Variants in XYLT1 observed in about 807,000 individuals in gnomAD.
XYLT1 encodes beta-D-xylosyltransferase 1.
XYLT1 carries 36 observed loss-of-function variants against 91.3 expected under a neutral mutation model. That is an observed-to-expected ratio of 0.39 (90% CI 0.30 to 0.52). The LOEUF (loss-of-function observed/expected upper bound fraction) is 0.52. Among genes scored for constraint, XYLT1 ranks in the 20% least tolerant of loss-of-function variants. XYLT1 has a pLI of 0.68. For missense variants in XYLT1, 1,242 were observed against 1,284.5 expected, an observed-to-expected ratio of 0.97 and a Z score of 0.51; for synonymous variants, 588 against 532.0, an observed-to-expected ratio of 1.11 and a Z score of -1.45.
At chr16:17,425,240 C>T (rs2036302316) in intron 1 of XYLT1, among the ~76,000 whole-genome samples, 1 of 152,184 alleles carries the variant, frequency 6.6e-6, no homozygotes, top group Non-Finnish European at 1.5e-5. Context: ...AACTTCCTTC[C>T]GTAGCCAGAT....
At chr16:17,197,671 C>T (rs2032457179) in intron 5 of XYLT1, among the ~76,000 whole-genome samples, 1 of 152,138 alleles carries the variant, frequency 6.6e-6, no homozygotes, top group Non-Finnish European at 1.5e-5. Flanking sequence ...GGCTGAGTCT[C>T]CCATGCTGGA....
At chr16:17,373,072 C>A (rs973321684) in intron 1 of XYLT1, among the ~76,000 whole-genome samples, 1 of 152,142 alleles carries the variant, frequency 6.6e-6, no homozygotes, top group Non-Finnish European at 1.5e-5. Flanking sequence ...GCAATACATT[C>A]TCCAGTTACT....
At chr16:17,117,240 A>G (rs1325775824) in intron 11 of XYLT1, among the ~76,000 whole-genome samples, 1 of 152,212 alleles carries the variant, frequency 6.6e-6, no homozygotes, top group Non-Finnish European at 1.5e-5. Context: ...ATCTTCTACT[A>G]TTATGTGGTT....
intron 11 of XYLT1, among the ~76,000 whole-genome samples, chr16:17,112,569 GAC>G (rs1223411788): frequency 6.6e-6 from 1 of 152,128 alleles, no homozygotes; most frequent in Non-Finnish European, 1.5e-5. Context: ...AAGCAGCGAA[GAC>G]ACAGCCATTT....
At chr16:17,422,713 G>T (rs538843761) in intron 1 of XYLT1, among the ~76,000 whole-genome samples, 78 of 152,164 alleles carry the variant, frequency 5.1e-4, no homozygotes, top group Admixed American at 7.9e-4. Context: ...TCACCATGTT[G>T]GCAAGGCTGG....
At chr16:17,349,716 C>T (rs1374275311) in intron 2 of XYLT1, among the ~76,000 whole-genome samples, 1 of 150,904 alleles carries the variant, frequency 6.6e-6, no homozygotes, top group East Asian at 1.9e-4. Flanking sequence ...TGCAAATGAG[C>T]AAATCCATGT....
At chr16:17,415,013 G>A (rs754031331) in intron 1 of XYLT1, among the ~76,000 whole-genome samples, 5 of 152,108 alleles carry the variant, frequency 3.3e-5, no homozygotes, top group Admixed American at 1.3e-4. Flanking sequence ...CACTTCCCGC[G>A]TGTCTGACAC....
At chr16:17,122,100 C>T (rs1349458492) in intron 10 of XYLT1, among the ~76,000 whole-genome samples, 1 of 152,128 alleles carries the variant, frequency 6.6e-6, no homozygotes, top group African/African-American at 2.4e-5. Flanking sequence ...TAATGACTTA[C>T]TTTTCTCTGG....
intron 3 of XYLT1, among the ~76,000 whole-genome samples, chr16:17,232,425 GTGTGTA>G (rs1251500141): frequency 5.7e-4 from 57 of 99,348 alleles, no homozygotes; most frequent in African/African-American, 1.4e-3. Flanking sequence ...GTGTGTGTGT[GTGTGTA>G]TATATATATA....
chr16:17,340,038 C>T (rs370311940), intron 2 of XYLT1, among the ~76,000 whole-genome samples: 95 of 151,794 alleles, frequency 6.3e-4, no homozygotes, highest in African/African-American at 1.9e-3. Flanking sequence ...TCCACCCATT[C>T]GTCCACCCAT....
At chr16:17,217,304 T>C (rs1193249143) in intron 3 of XYLT1, among the ~76,000 whole-genome samples, 1 of 152,146 alleles carries the variant, frequency 6.6e-6, no homozygotes, top group African/African-American at 2.4e-5. Flanking sequence ...GATTGTTTCT[T>C]GGATTTCTCT....
intron 1 of XYLT1, among the ~76,000 whole-genome samples, chr16:17,409,546 CTTTT>C (rs35377886): frequency 3.4e-5 from 4 of 117,338 alleles, no homozygotes; most frequent in Admixed American, 1.9e-4. Flanking sequence ...TATTGAGACA[CTTTT>C]TTTTTTTTTT....
intron 1 of XYLT1, among the ~76,000 whole-genome samples, chr16:17,397,541 T>C (rs1320363173): frequency 6.6e-6 from 1 of 152,098 alleles, no homozygotes; most frequent in Non-Finnish European, 1.5e-5. Flanking sequence ...ATGAGAACCT[T>C]TTCATTCCCC....
At chr16:17,135,106 G>A (rs2030662570) in intron 8 of XYLT1, among the ~76,000 whole-genome samples, 3 of 152,218 alleles carry the variant, frequency 2.0e-5, no homozygotes. Context: ...ACAGCCTGCA[G>A]ATGTATTTTA....
chr16:17,228,728 G>A (rs1337610047), intron 3 of XYLT1, among the ~76,000 whole-genome samples: 1 of 152,138 alleles, frequency 6.6e-6, no homozygotes, highest in Non-Finnish European at 1.5e-5. Context: ...ACAACTGTCT[G>A]TCTGGTGGCT....
chr16:17,202,833 A>C (rs2032568499), intron 3 of XYLT1, among the ~76,000 whole-genome samples: 1 of 151,886 alleles, frequency 6.6e-6, no homozygotes, highest in African/African-American at 2.4e-5. Context: ...CAGAATCTGC[A>C]ACACTTGAAC....
In XYLT1 at chr16:17,152,535, C is replaced by A. The variant is rs192850303; in HGVS notation, c.1370+6294G>T. 1.3e-5 allele frequency among the ~76,000 whole-genome samples: 2 copies of A among 152,346 alleles called. 1 individual carries two copies. The highest frequency in any genetic ancestry group is 3.9e-4 in the East Asian group (2 of 5,182). On this transcript the variant is annotated intron_variant, in intron 6 of 11. Transcript: ENST00000261381. The stretch of plus-strand genomic sequence containing the variant: ...TCTTCTCTCAATAAGCAAGCTGGCA[C>A]CAAAGGCCTTCCCGAATGCGGATTT...
chr16:17,371,369 T>C (rs1359626053), intron 1 of XYLT1, among the ~76,000 whole-genome samples: 2 of 152,224 alleles, frequency 1.3e-5, no homozygotes, highest in South Asian at 2.1e-4. Flanking sequence ...ATTCATGTTA[T>C]AGGTGGAATC....
At chr16:17,117,597 G>T (rs1966855036) in intron 11 of XYLT1, 49 bp downstream of exon 11, 1 of 1,567,280 alleles carries the variant, frequency 6.4e-7, no homozygotes, top group South Asian at 1.2e-5. Context: ...GACCCTCAAG[G>T]TCCCCAGGGA....
Sources: allele counts gnomAD v4.1 joint callset (sites outside exome capture counted in the v4.1 genomes callset), GRCh38; gene constraint gnomAD v4.1.1; transcripts MANE v1.5; gene names NCBI Gene and HGNC (gene_info 2026-07-23, HGNC 2026-07-21).